CAB39L: variants seen among roughly 807,000 people sequenced by gnomAD.
CAB39L encodes calcium-binding protein 39-like.
In CAB39L, 23 loss-of-function variants were observed where a neutral mutation model predicts 39.1. That is an observed-to-expected ratio of 0.59 (90% CI 0.42 to 0.83). CAB39L has a LOEUF of 0.83. CAB39L is among the 40% of genes least tolerant of loss of function. The probability of loss-of-function intolerance (pLI) is 0.00; values close to 1 mark genes in which losing one functional copy is unlikely to be tolerated. For missense variants in CAB39L, 366 were observed against 391.9 expected (o/e 0.93, Z 0.56); for synonymous variants, 126 against 137.2 (o/e 0.92, Z 0.57).
intron 10 of CAB39L, among the ~76,000 whole-genome samples, chr13:49,327,885 C>T (rs1954549720): frequency 6.6e-6 from 1 of 152,174 alleles, no homozygotes; most frequent in South Asian, 2.1e-4. Context: ...AACATCTTTG[C>T]ACAGTAAGTC....
intron 3 of CAB39L, among the ~76,000 whole-genome samples, chr13:49,389,122 A>C (rs758588152): frequency 1.8e-4 from 28 of 152,316 alleles, no homozygotes; most frequent in South Asian, 1.4e-3. Context: ...TGTTGGTGGG[A>C]AGGTGAATTA....
At chr13:49,345,417 G>T (rs937001088) in intron 7 of CAB39L, among the ~76,000 whole-genome samples, 7 of 152,120 alleles carry the variant, frequency 4.6e-5, no homozygotes, top group Admixed American at 2.0e-4. Flanking sequence ...GGGCCTATCA[G>T]TGGAAACATG....
At chr13:49,389,669 T>G (rs775038964) in intron 3 of CAB39L, among the ~76,000 whole-genome samples, 19 of 152,094 alleles carry the variant, frequency 1.2e-4, no homozygotes, top group Non-Finnish European at 2.6e-4. Flanking sequence ...TAAAATAGAT[T>G]CAAAGCAGAG....
At chr13:49,338,626 A>G (rs976628278) in intron 9 of CAB39L, among the ~76,000 whole-genome samples, 2 of 152,160 alleles carry the variant, frequency 1.3e-5, no homozygotes, top group East Asian at 1.9e-4. Context: ...CAATGTGCAC[A>G]TGTACCCTAA....
chr13:49,350,809 CT>C lies in CAB39L; in HGVS notation c.498del (p.Asp167IlefsTer25), dbSNP rs1474398122. 6.2e-7 allele frequency: 1 copy of C among 1,610,736 alleles called. No individual in the cohort carries two copies. The highest frequency in any genetic ancestry group is 8.5e-7 in the Non-Finnish European group (1 of 1,178,302). On this transcript the variant is annotated frameshift_variant, in exon 7 of 11. Coordinates refer to ENST00000409308, the MANE Select transcript of CAB39L (RefSeq NM_001079670.3). LOFTEE classifies it high-confidence loss of function. ...GACAACTCCACGTACTTAAAGAAATCTCTGAATTGATTAGAAAAGAGGATGA... is the reference window on the plus strand; with the variant it reads ...GACAACTCCACGTACTTAAAGAAATCCTGAATTGATTAGAAAAGAGGATGA... ...AKIILFSNQF[R>X]DFFKYVELST...
chr13:49,440,536 AGT>A, intron 1 of CAB39L, among the ~76,000 whole-genome samples: 1 of 152,002 alleles, frequency 6.6e-6, no homozygotes, highest in South Asian at 2.1e-4. Context: ...CTACACATTC[AGT>A]AGCACTGAAT....
rs1400983758 is a variant in CAB39L at position 49,433,300 on chromosome 13, G to C, written c.-32+18C>G. ...CGAGAGCACTTAAAATCTTGATTGA[G>C]TCATCATACTAGCTTACCTTAGAAG... On this transcript the variant is annotated intron_variant, in intron 3 of 10. Coordinates refer to ENST00000409308, the MANE Select transcript of CAB39L (RefSeq NM_001079670.3). The C allele has an allele frequency of 1.4e-5, 6 of 436,246 alleles. No homozygotes were observed. Among genetic ancestry groups the C allele is most frequent in the Non-Finnish European group, 2.7e-5 (6 of 221,454 alleles). 27.0% of individuals were successfully genotyped at this position (436,246 alleles called of 1,614,324 possible). A position where few individuals can be genotyped will look rare whatever the true frequency, so the allele number is the denominator to read the frequency against.
At chr13:49,370,294 A>C (rs547783302) in intron 5 of CAB39L, among the ~76,000 whole-genome samples, 7 of 152,124 alleles carry the variant, frequency 4.6e-5, no homozygotes, top group Non-Finnish European at 1.0e-4. Flanking sequence ...ATTACATGAA[A>C]TCCATCTGTG....
At chr13:49,344,783 A>G (rs1955100778) in intron 7 of CAB39L, among the ~76,000 whole-genome samples, 1 of 152,052 alleles carries the variant, frequency 6.6e-6, no homozygotes, top group Admixed American at 6.6e-5. Context: ...CGGCCTCCCA[A>G]AGTGCCTTAA....
At chr13:49,352,986 A>G (rs1187898851) in intron 6 of CAB39L, among the ~76,000 whole-genome samples, 1 of 152,240 alleles carries the variant, frequency 6.6e-6, no homozygotes, top group African/African-American at 2.4e-5. Context: ...GAAATAGACT[A>G]CTTTCCAATA....
chr13:49,344,662 C>T (rs1011914026), intron 7 of CAB39L, among the ~76,000 whole-genome samples: 6 of 152,110 alleles, frequency 3.9e-5, no homozygotes, highest in African/African-American at 1.2e-4. Flanking sequence ...GCTGGGACTA[C>T]AGGCGCCCGC....
chr13:49,423,795 C>A (rs1957206853), intron 3 of CAB39L, among the ~76,000 whole-genome samples: 1 of 152,088 alleles, frequency 6.6e-6, no homozygotes, highest in South Asian at 2.1e-4. Context: ...GCATTAACTG[C>A]TAAAGAGCTC....
rs375766804 is a variant in CAB39L, at chr13:49,396,931, T to A, written c.-31-13990A>T. 6.6e-5 allele frequency among the ~76,000 whole-genome samples: 10 copies of A among 152,274 alleles called. No individual in the cohort carries two copies. In the East Asian group the frequency reaches 1.5e-3, roughly 23 times the overall value. ...CCTAAAATGGGTGCATTTGATTATATGAAAATCTTAAAACAAAAAAGTGCA... is the reference window on the plus strand; with the variant it reads ...CCTAAAATGGGTGCATTTGATTATAAGAAAATCTTAAAACAAAAAAGTGCA... On this transcript the variant is annotated intron_variant, in intron 3 of 10. Transcript: ENST00000409308.
At chr13:49,351,959 T>C (rs886358421) in intron 6 of CAB39L, among the ~76,000 whole-genome samples, 9 of 152,314 alleles carry the variant, frequency 5.9e-5, no homozygotes, top group South Asian at 2.1e-4. Context: ...GAGTTTGTGG[T>C]TGACCACATT....
chr13:49,378,765 G>T (rs1956176361), intron 4 of CAB39L, among the ~76,000 whole-genome samples: 2 of 51,474 alleles, frequency 3.9e-5, no homozygotes, highest in Admixed American at 2.8e-4. Flanking sequence ...AGGGAGGTGG[G>T]GGGGGTCAGC....
chr13:49,420,809 C>A (rs9535237), intron 3 of CAB39L, among the ~76,000 whole-genome samples: 70,192 of 151,878 alleles, frequency 0.46, 16,676 homozygotes, highest in South Asian at 0.54. Flanking sequence ...TGAAAGATAG[C>A]TGCATATAAG....
intron 6 of CAB39L, among the ~76,000 whole-genome samples, chr13:49,353,988 A>G (rs1056721951): frequency 6.6e-6 from 1 of 152,210 alleles, no homozygotes; most frequent in Non-Finnish European, 1.5e-5. Context: ...ATGAGAGTCA[A>G]ACTCTGACGT....
rs1209805772 is a variant in CAB39L at position 49,371,213 on chromosome 13, G to A, written c.276+5754C>T. Reference sequence around the variant, plus strand: ...TCTTTTTTTTTTTTTTTGAGATGGAGTTTCACTCTTATTGCCCAGGCAGAA... The same window carrying A: ...TCTTTTTTTTTTTTTTTGAGATGGAATTTCACTCTTATTGCCCAGGCAGAA... On this transcript the variant is annotated intron_variant, in intron 5 of 10. Transcript: ENST00000409308. Among the ~76,000 whole-genome samples the A allele has an allele frequency of 2.2e-5, 3 of 137,492 alleles. No homozygotes were observed. The East Asian group carries it at 6.1e-4, about 28-fold the overall frequency. 90.2% of individuals were successfully genotyped at this position (137,492 alleles called of 152,430 possible).
At chr13:49,369,748 C>T (rs532144301) in intron 5 of CAB39L, among the ~76,000 whole-genome samples, 12 of 152,086 alleles carry the variant, frequency 7.9e-5, no homozygotes, top group South Asian at 2.1e-4. Flanking sequence ...CCACCACACC[C>T]GGCTAATTTT....
Sources: gnomAD v4.1 joint callset for allele counts (sites outside exome capture counted in the v4.1 genomes callset) on GRCh38, gnomAD v4.1.1 for gene constraint, MANE v1.5 for transcripts, NCBI Gene and HGNC (gene_info 2026-07-23, HGNC 2026-07-21) for gene names.